The following CACNA2D4 variants were observed in gnomAD, a reference collection of about 807,000 sequenced individuals.
The protein encoded by CACNA2D4 is calcium voltage-gated channel auxiliary subunit alpha2delta 4, also known as voltage-dependent calcium channel subunit alpha-2/delta-4.
A neutral mutation model predicts 163.8 loss-of-function variants in CACNA2D4; 157 were observed. That is an observed-to-expected ratio of 0.96 (90% CI 0.84 to 1.09). CACNA2D4 has a LOEUF of 1.09. CACNA2D4 is among the 50% of genes least tolerant of loss of function. CACNA2D4 has a pLI of 0.00. For missense variants in CACNA2D4, 1,410 were observed against 1,479.9 expected (o/e 0.95, Z 0.78); for synonymous variants, 598 against 586.9 (o/e 1.02, Z -0.27).
rs1866137626 is a variant in CACNA2D4 at position 1,886,136 on chromosome 12, G to T, written c.993+87C>A. 2.6e-6 allele frequency: 4 copies of T among 1,542,774 alleles called. No homozygotes were observed. The South Asian group carries it at 4.5e-5, about 17-fold the overall frequency. On this transcript the variant is annotated intron_variant, in intron 8 of 37. Coordinates refer to ENST00000382722, the MANE Select transcript of CACNA2D4 (RefSeq NM_172364.5). ...CAAAGACACTCATGCAGGTCACCGG[G>T]TGGTCAGGGGTTGTGGGTCACCTTG...
rs201084922 is a variant in CACNA2D4 at position 1,854,026 on chromosome 12, C to T, written c.2171G>A (p.Arg724Gln). 3.0e-5 allele frequency: 48 copies of T among 1,611,174 alleles called. No individual in the cohort carries two copies. Among genetic ancestry groups the T allele is most frequent in the South Asian group, 1.7e-4 (15 of 90,638 alleles). Residue 724 changes from arginine to glutamine, a missense_variant, in exon 23 of 38, where the codon CGG becomes CAG. Physicochemically the swap from Arg to Gln is conservative, Grantham distance 43 (BLOSUM62 1). Coordinates refer to ENST00000382722, the MANE Select transcript of CACNA2D4 (RefSeq NM_172364.5). Reference sequence around the variant, plus strand: ...CACCACCGCGTCAAACAGCACCTCCCGGACCAGCTCCTCGTCACCTGGGTG... The same window carrying T: ...CACCACCGCGTCAAACAGCACCTCCTGGACCAGCTCCTCGTCACCTGGGTG... ...PDLECDEELV[R>Q]EVLFDAVVTA...
In CACNA2D4 at chr12:1,844,601, C is replaced by A; in HGVS notation, c.2343-72G>T. 6.6e-7 allele frequency: 1 copy of A among 1,526,334 alleles called. No individual in the cohort carries two copies. Among genetic ancestry groups the A allele is most frequent in the Non-Finnish European group, 8.9e-7 (1 of 1,117,388 alleles). 94.5% of individuals were successfully genotyped at this position (1,526,334 alleles called of 1,614,324 possible). On this transcript the variant is annotated intron_variant, in intron 24 of 37. Transcript: ENST00000382722. The surrounding 1 kb of genome is among the most constrained non-coding windows in gnomAD (Gnocchi z 4.2). Reference sequence around the variant, plus strand: ...GTCATCACTCTTTCCTTTTCTCACACAAGGTCAACTTGGCTGGGCTAAGAG... The same window carrying A: ...GTCATCACTCTTTCCTTTTCTCACAAAAGGTCAACTTGGCTGGGCTAAGAG...
chr12:1,805,399 A>G (rs1489168320), intron 29 of CACNA2D4, among the ~76,000 whole-genome samples: 1 of 152,128 alleles, frequency 6.6e-6, no homozygotes, highest in African/African-American at 2.4e-5. Flanking sequence ...AGATGGAGTA[A>G]ATGTCCCATG....
chr12:1,819,504 A>G (rs1864009155), intron 26 of CACNA2D4, among the ~76,000 whole-genome samples: 1 of 152,104 alleles, frequency 6.6e-6, no homozygotes, highest in Admixed American at 6.5e-5. Flanking sequence ...GAAGAGGGAC[A>G]TAGGACACGG....
intron 26 of CACNA2D4, among the ~76,000 whole-genome samples, chr12:1,837,496 C>A (rs1158960319): frequency 6.6e-6 from 1 of 152,124 alleles, no homozygotes; most frequent in Non-Finnish European, 1.5e-5. Flanking sequence ...ATGCTGCAAG[C>A]CCCACTGAAG....
intron 2 of CACNA2D4, among the ~76,000 whole-genome samples, chr12:1,914,021 G>A (rs566432136): frequency 1.5e-4 from 23 of 152,358 alleles, no homozygotes; most frequent in East Asian, 3.9e-4. Context: ...AGCTGTCATC[G>A]CTACAGTGGC....
intron 18 of CACNA2D4, among the ~76,000 whole-genome samples, chr12:1,862,364 C>T (rs1363249293): frequency 2.0e-5 from 3 of 152,224 alleles, no homozygotes; most frequent in East Asian, 1.9e-4. Context: ...CTCCACAGCG[C>T]TGCCAGTATT....
chr12:1,834,837 C>T lies in CACNA2D4; in HGVS notation c.2551+5902G>A. 3 of 1,433,706 alleles carry T rather than the reference C, an allele frequency of 2.1e-6. No individual in the cohort carries two copies. The highest frequency in any genetic ancestry group is 2.7e-6 in the Non-Finnish European group (3 of 1,096,906). 88.8% of individuals were successfully genotyped at this position (1,433,706 alleles called of 1,614,324 possible). A position where few individuals can be genotyped will look rare whatever the true frequency, so the allele number is the denominator to read the frequency against. On this transcript the variant is annotated intron_variant, in intron 26 of 37. Coordinates refer to ENST00000382722, the MANE Select transcript of CACNA2D4 (RefSeq NM_172364.5). The surrounding 1 kb of genome is among the most constrained non-coding windows in gnomAD (Gnocchi z 7.6). The stretch of plus-strand genomic sequence containing the variant: ...CTGCCTCCCCGAGTCCACCCTCCTC[C>T]CCGCCCTCCAGCAGACAAGCCACAC...
At chr12:1,797,347 T>G in intron 35 of CACNA2D4, 71 bp downstream of exon 35, 1 of 1,168,444 alleles carries the variant, frequency 8.6e-7, no homozygotes, top group East Asian at 2.6e-5. Context: ...TCCGGGGCCC[T>G]GCCCGCACTT....
At chr12:1,856,733 C>A (rs1351374709) in intron 20 of CACNA2D4, among the ~76,000 whole-genome samples, 1 of 152,214 alleles carries the variant, frequency 6.6e-6, no homozygotes, top group Non-Finnish European at 1.5e-5. Context: ...CGGCCTCTCA[C>A]CTAACACAGA....
chr12:1,878,877 G>A lies in CACNA2D4; in HGVS notation c.1644+79C>T. On this transcript the variant is annotated intron_variant, in intron 15 of 37. Transcript: ENST00000382722. The surrounding 1 kb of genome is among the most constrained non-coding windows in gnomAD (Gnocchi z 4.6). ...CCCAGCTCTGGGCTTGGCTTGCCTG[G>A]AGAGAGGCTCCCATCACGGGGGAGG... is the stretch of plus-strand genomic sequence containing the variant. The A allele has an allele frequency of 1.5e-6, 2 of 1,365,768 alleles. No individual in the cohort carries two copies. Among genetic ancestry groups the A allele is most frequent in the South Asian group, 1.3e-5 (1 of 77,724 alleles). The allele number at this position is 1,365,768 out of a possible 1,614,324, so 84.6% of individuals were successfully genotyped here.
intron 24 of CACNA2D4, among the ~76,000 whole-genome samples, chr12:1,846,252 G>A (rs968823567): frequency 6.6e-6 from 1 of 152,174 alleles, no homozygotes; most frequent in Non-Finnish European, 1.5e-5. Flanking sequence ...ATTCCTCTAG[G>A]TGGATTCTCC....
intron 26 of CACNA2D4, chr12:1,831,522 C>A: frequency 6.2e-7 from 1 of 1,610,986 alleles, no homozygotes; most frequent in South Asian, 1.1e-5. Flanking sequence ...GTTCTCCTAC[C>A]GAGGTGAGCG....
Position 1,843,466 on chromosome 12 carries a change from T to C in CACNA2D4, c.2470+936A>G, listed in dbSNP as rs545650148. 9.8e-5 allele frequency among the ~76,000 whole-genome samples: 15 copies of C among 152,318 alleles called. No homozygotes were observed. The highest frequency in any genetic ancestry group is 2.1e-4 in the Non-Finnish European group (14 of 68,010). On this transcript the variant is annotated intron_variant, in intron 25 of 37. Coordinates refer to ENST00000382722, the MANE Select transcript of CACNA2D4 (RefSeq NM_172364.5). The surrounding 1 kb of genome is among the most constrained non-coding windows in gnomAD (Gnocchi z 4.6). ...ACACTCCTGCATCCCCTCCTGGGGC[T>C]CACCCCACCTGCCTGTGCACACTCT...
chr12:1,854,440 C>T (rs1275269219), intron 22 of CACNA2D4, among the ~76,000 whole-genome samples: 1 of 152,116 alleles, frequency 6.6e-6, no homozygotes, highest in Admixed American at 6.5e-5. Context: ...GAGTCTCATT[C>T]TGTTGCCCAG....
intron 5 of CACNA2D4, 96 bp downstream of exon 5, chr12:1,907,772 AGCCTGGT>A: frequency 7.1e-7 from 1 of 1,405,046 alleles, no homozygotes; most frequent in Non-Finnish European, 9.8e-7. Context: ...CTGGTGGGCC[AGCCTGGT>A]GAGTATGCCT....
chr12:1,826,593 C>T (rs1864338450), intron 26 of CACNA2D4, among the ~76,000 whole-genome samples: 2 of 152,222 alleles, frequency 1.3e-5, no homozygotes, highest in Non-Finnish European at 2.9e-5. Context: ...TCTTGTGACC[C>T]CTCTGCCAAC....
rs372289307 is a variant in CACNA2D4, at chr12:1,882,910, T to C, written c.1442A>G (p.His481Arg). 20 of 1,613,712 alleles carry C rather than the reference T, an allele frequency of 1.2e-5. No homozygotes were observed. Among genetic ancestry groups the C allele is most frequent in the Non-Finnish European group, 1.6e-5 (19 of 1,179,836 alleles). ...HVLSRPMVIN[H>R]DHDIIWTEAY... ...CTCTGTCCAGATGATGTCGTGGTCG[T>C]GGTTGATGACCATGGGGCGGCTGAG... Residue 481 changes from histidine to arginine, a missense_variant, in exon 13 of 38, where the codon CAC (histidine) becomes CGC (arginine). Transcript: ENST00000382722.
chr12:1,862,813 T>C (rs1278407578), intron 18 of CACNA2D4, among the ~76,000 whole-genome samples: 3 of 152,244 alleles, frequency 2.0e-5, no homozygotes, highest in Admixed American at 6.5e-5. Context: ...GAGCATTTTT[T>C]ATTTGGCTTT....
Sources: gnomAD v4.1 joint callset for allele counts (sites outside exome capture counted in the v4.1 genomes callset) on GRCh38, gnomAD v4.1.1 for gene constraint, Gnocchi (gnomAD v3.1) non-coding constraint, MANE v1.5 for transcripts, NCBI Gene and HGNC (gene_info 2026-07-23, HGNC 2026-07-21) for gene names.